HSD17B3: variants seen among roughly 807,000 people sequenced by gnomAD.
HSD17B3 encodes hydroxysteroid 17-beta dehydrogenase 3, also known as 17-beta-hydroxysteroid dehydrogenase type 3.
In HSD17B3, 29 loss-of-function variants were observed where a neutral mutation model predicts 41.1. The observed-to-expected ratio is 0.71, with a 90% CI of 0.53 to 0.96. The LOEUF (loss-of-function observed/expected upper bound fraction) is 0.96. Ranked by LOEUF, HSD17B3 falls within the 40% of genes least tolerant of loss-of-function variation. The pLI, the probability that HSD17B3 is intolerant of heterozygous loss-of-function variation, is 0.00. For synonymous variants in HSD17B3, 126 were observed against 145.6 expected (o/e 0.87, Z 0.97); for missense variants, 323 against 374.6 (o/e 0.86, Z 1.14).
intron 2 of HSD17B3, among the ~76,000 whole-genome samples, chr9:96,281,204 C>T (rs548277285): frequency 1.6e-4 from 24 of 152,190 alleles, no homozygotes; most frequent in African/African-American, 5.5e-4. Flanking sequence ...AACCCCCTTC[C>T]CAAAGCCTAA....
Position 96,251,318 on chromosome 9 carries a change from G to A in HSD17B3, c.453+100C>T, listed in dbSNP as rs1587727308. The A allele has an allele frequency of 6.2e-6, 6 of 963,940 alleles. No individual in the cohort carries two copies. The East Asian group carries it at 1.2e-4, about 19-fold the overall frequency. 59.7% of individuals were successfully genotyped at this position (963,940 alleles called of 1,614,324 possible). ...ATACAGTCCAGGATTTCGGCCAGAT[G>A]CATGCTTCCATCACGCCTTCCCAGG... On this transcript the variant is annotated intron_variant, in intron 5 of 10. Coordinates refer to ENST00000375263, the MANE Select transcript of HSD17B3 (RefSeq NM_000197.2).
chr9:96,290,782 C>T (rs1827126592), intron 2 of HSD17B3, among the ~76,000 whole-genome samples: 1 of 151,576 alleles, frequency 6.6e-6, no homozygotes, highest in Non-Finnish European at 1.5e-5. Flanking sequence ...TGCAGTAAGC[C>T]GAGATCGCGC....
intron 6 of HSD17B3, among the ~76,000 whole-genome samples, chr9:96,246,942 G>C (rs921899613): frequency 6.6e-6 from 1 of 152,178 alleles, no homozygotes; most frequent in African/African-American, 2.4e-5. Flanking sequence ...CTGTGGGACA[G>C]GCAAAAGTGG....
At chr9:96,238,358 T>C (rs553595084) in intron 10 of HSD17B3, among the ~76,000 whole-genome samples, 1 of 146,550 alleles carries the variant, frequency 6.8e-6, no homozygotes, top group African/African-American at 2.5e-5. Flanking sequence ...ACCGAGAAAG[T>C]GCACAAGAAA....
At chr9:96,251,578 G>T in intron 4 of HSD17B3, 93 bp from the exon 5 acceptor site, 1 of 1,135,280 alleles carries the variant, frequency 8.8e-7, no homozygotes, top group South Asian at 1.3e-5. Context: ...ATGTAAGGTT[G>T]TTCATCGCAG....
chr9:96,240,630 C>CT (rs1836400697), intron 10 of HSD17B3, 128 bp downstream of exon 10: 2 of 974,246 alleles, frequency 2.1e-6, no homozygotes, highest in East Asian at 4.9e-5. Flanking sequence ...GCCACATAGT[C>CT]CTTGTACCTG....
chr9:96,244,991 C>T (rs771905580), intron 8 of HSD17B3, among the ~76,000 whole-genome samples: 13 of 152,120 alleles, frequency 8.5e-5, no homozygotes, highest in African/African-American at 1.2e-4. Context: ...GCCCCCTCCT[C>T]CTCAGGCTGT....
chr9:96,250,748 C>A lies in HSD17B3; in HGVS notation c.453+670G>T, dbSNP rs148287336. On this transcript the variant is annotated intron_variant, in intron 5 of 10. Transcript: ENST00000375263. ...ACTAAAAATACAAAAATTAGCTGGG[C>A]GTGGTGGCAGGCGCCTGCAGTCCCA... 3.1e-3 allele frequency among the ~76,000 whole-genome samples: 468 copies of A among 151,998 alleles called. 1 individual carries two copies. The highest frequency in any genetic ancestry group is 0.011 in the African/African-American group (444 of 41,458).
chr9:96,294,614 C>A (rs1388973431), intron 2 of HSD17B3, among the ~76,000 whole-genome samples: 1 of 152,234 alleles, frequency 6.6e-6, no homozygotes, highest in Non-Finnish European at 1.5e-5. Context: ...AATTGCTTGG[C>A]AATCCAGGGA....
At chr9:96,290,759 A>G (rs1239132748) in intron 2 of HSD17B3, among the ~76,000 whole-genome samples, 1 of 151,856 alleles carries the variant, frequency 6.6e-6, no homozygotes, top group African/African-American at 2.4e-5. Flanking sequence ...ACTTGAAACC[A>G]GAAGGCAAAG....
rs751562442 is a variant in HSD17B3, at chr9:96,302,105, G to A, written c.-1C>T. The A allele has an allele frequency of 1.2e-6, 2 of 1,613,904 alleles. No homozygotes were observed. Among genetic ancestry groups the A allele is most frequent in the African/African-American group, 2.7e-5 (2 of 74,900 alleles). On this transcript the variant is annotated 5_prime_UTR_variant, in exon 1 of 11. Coordinates refer to ENST00000375263, the MANE Select transcript of HSD17B3 (RefSeq NM_000197.2). The stretch of plus-strand genomic sequence containing the variant: ...AGAACTGTTCCAGGACGTCCCCCAT[G>A]GCTGCACTCAACAGACTGTTTCAGC...
intron 6 of HSD17B3, chr9:96,249,459 G>T: frequency 2.5e-6 from 1 of 400,772 alleles, no homozygotes; most frequent in Non-Finnish European, 4.5e-6. Context: ...TTTTAGAATT[G>T]CCTTGGAATC....
rs1351550009 is a variant in HSD17B3, at chr9:96,241,015, CT to C, written c.673-109del. 62 of 1,322,846 alleles carry C rather than the reference CT, an allele frequency of 4.7e-5. No individual in the cohort carries two copies. The Middle Eastern group carries it at 7.3e-4, about 16-fold the overall frequency. 81.9% of individuals were successfully genotyped at this position (1,322,846 alleles called of 1,614,324 possible). A position where few individuals can be genotyped will look rare whatever the true frequency, so the allele number is the denominator to read the frequency against. Reference sequence around the variant, plus strand: ...CCACCATTTCCCGACCCTTCTCTTCCTAGGCAAAGTTTTAAGATCTTGAGTG... The same window carrying C: ...CCACCATTTCCCGACCCTTCTCTTCCAGGCAAAGTTTTAAGATCTTGAGTG... On this transcript the variant is annotated intron_variant, in intron 9 of 10. Coordinates refer to ENST00000375263, the MANE Select transcript of HSD17B3 (RefSeq NM_000197.2).
intron 2 of HSD17B3, among the ~76,000 whole-genome samples, chr9:96,295,626 C>T (rs1337033112): frequency 1.3e-5 from 2 of 152,048 alleles, no homozygotes; most frequent in African/African-American, 4.8e-5. Flanking sequence ...TGAGCCACTG[C>T]GCCCAGCCCA....
At chr9:96,280,503 AG>A (rs1826650237) in intron 2 of HSD17B3, among the ~76,000 whole-genome samples, 1 of 152,208 alleles carries the variant, frequency 6.6e-6, no homozygotes, top group Non-Finnish European at 1.5e-5. Context: ...CAATTTATCC[AG>A]GGTTCTGGCA....
In HSD17B3 at chr9:96,254,916, G is replaced by C. The variant is rs1478715937; in HGVS notation, c.229C>G (p.Leu77Val). Residue 77 changes from leucine (L) to valine (V), a missense_variant, in exon 3 of 11, where the codon CTT becomes GTT. Transcript: ENST00000375263. ...AGTTTTTCCAGCGTCCGGCTAATAA[G>C]GACAACATTGAGTCCACGTTTTGCT... ...ELAKRGLNVVLISRTLEKLEA... is the reference protein window; with the variant it reads ...ELAKRGLNVVVISRTLEKLEA... 1.2e-6 allele frequency: 2 copies of C among 1,613,890 alleles called. No homozygotes were observed. Among genetic ancestry groups the C allele is most frequent in the Non-Finnish European group, 1.7e-6 (2 of 1,179,966 alleles).
chr9:96,282,058 A>T (rs186219802), intron 2 of HSD17B3, among the ~76,000 whole-genome samples: 1 of 152,300 alleles, frequency 6.6e-6, no homozygotes, highest in Non-Finnish European at 1.5e-5. Flanking sequence ...GTAACTTAGG[A>T]TAGAACATGG....
chr9:96,235,464 C>A lies in HSD17B3; in HGVS notation c.929G>T (p.Arg310Met). 6.2e-7 allele frequency: 1 copy of A among 1,612,478 alleles called. No individual in the cohort carries two copies. Among genetic ancestry groups the A allele is most frequent in the Non-Finnish European group, 8.5e-7 (1 of 1,178,826 alleles). ...VAYLKLNTKV[R>M] Reference sequence around the variant, plus strand: ...GCTGGACTCCTCACCGCCTGGCTACCTGACCTTGGTGTTGAGCTTCAGGTA... The same window carrying A: ...GCTGGACTCCTCACCGCCTGGCTACATGACCTTGGTGTTGAGCTTCAGGTA... The change falls in exon 11 of 11, where the codon AGG becomes ATG. Residue 310 changes from arginine to methionine, a missense_variant. Physicochemically the swap from Arg to Met is moderately conservative, Grantham distance 91. Coordinates refer to ENST00000375263, the MANE Select transcript of HSD17B3 (RefSeq NM_000197.2).
chr9:96,289,209 GTGTGTGTGTGTA>G (rs1564060573), intron 2 of HSD17B3, among the ~76,000 whole-genome samples: 1 of 148,884 alleles, frequency 6.7e-6, no homozygotes, highest in Non-Finnish European at 1.5e-5. Flanking sequence ...GTGTGTGTGT[GTGTGTGTGTGTA>G]TGTGTGTGTG....
Sources: gnomAD v4.1 joint callset for allele counts (sites outside exome capture counted in the v4.1 genomes callset) on GRCh38, gnomAD v4.1.1 for gene constraint, MANE v1.5 for transcripts, NCBI Gene and HGNC (gene_info 2026-07-23, HGNC 2026-07-21) for gene names.